The following PRKN variants were observed in gnomAD, a reference collection of about 807,000 sequenced individuals.
The protein encoded by PRKN is E3 ubiquitin-protein ligase parkin.
Under a neutral mutation model 59.5 loss-of-function variants are expected in PRKN, and 56 were observed. That is an observed-to-expected ratio of 0.94 (90% CI 0.76 to 1.18). The LOEUF is 1.18. PRKN is among the 50% of genes most tolerant of loss of function. The probability of loss-of-function intolerance (pLI) is 0.00; values close to 1 mark genes in which losing one functional copy is unlikely to be tolerated. For missense variants in PRKN, 657 were observed against 596.4 expected (o/e 1.10, Z -1.06); for synonymous variants, 250 against 222.1 (o/e 1.13, Z -1.12).
intron 1 of PRKN, among the ~76,000 whole-genome samples, chr6:162,711,743 T>C (rs566341336): frequency 6.6e-6 from 1 of 152,260 alleles, no homozygotes; most frequent in South Asian, 2.1e-4. Context: ...GTGCTCTCTA[T>C]ATGGGGGAAA....
intron 3 of PRKN, among the ~76,000 whole-genome samples, chr6:162,203,342 C>T (rs1784810273): frequency 6.6e-6 from 1 of 152,034 alleles, no homozygotes; most frequent in African/African-American, 2.4e-5. Flanking sequence ...CACTGCTTTC[C>T]AGACCCAGCC....
At chr6:162,717,140 G>A (rs978819992) in intron 1 of PRKN, among the ~76,000 whole-genome samples, 2 of 152,196 alleles carry the variant, frequency 1.3e-5, no homozygotes, top group African/African-American at 4.8e-5. Flanking sequence ...AGAAGGCAAT[G>A]TGACCACAGC....
chr6:162,409,236 C>T (rs1788226843), intron 2 of PRKN, among the ~76,000 whole-genome samples: 1 of 151,782 alleles, frequency 6.6e-6, no homozygotes, highest in Admixed American at 6.6e-5. Flanking sequence ...ACAATCATAA[C>T]TCATGACAGC....
chr6:161,571,189 C>A (rs1290048004), intron 7 of PRKN, among the ~76,000 whole-genome samples: 1 of 152,178 alleles, frequency 6.6e-6, no homozygotes, highest in Admixed American at 6.6e-5. Flanking sequence ...AAGTGACGCT[C>A]CCGCTTCAGC....
At chr6:161,871,148 A>G (rs554054103) in intron 6 of PRKN, among the ~76,000 whole-genome samples, 1 of 152,284 alleles carries the variant, frequency 6.6e-6, no homozygotes, top group Admixed American at 6.5e-5. Flanking sequence ...GATTATTTCT[A>G]GAGTTTTCAG....
At chr6:162,320,436 C>T (rs1357258777) in intron 2 of PRKN, among the ~76,000 whole-genome samples, 30 of 138,080 alleles carry the variant, frequency 2.2e-4, no homozygotes, top group Non-Finnish European at 3.8e-4. Context: ...AAAAAAAACC[C>T]CACAAAATTT....
At chr6:161,874,179 TTA>T (rs1200848411) in intron 6 of PRKN, among the ~76,000 whole-genome samples, 2 of 52,026 alleles carry the variant, frequency 3.8e-5, no homozygotes, top group African/African-American at 2.0e-4. Context: ...ATAATATATA[TTA>T]TATATAATAT....
At position 161,950,998 on chromosome 6, in the gene PRKN, A is replaced by C. The variant is rs944061623; in HGVS notation, c.734+22304T>G. Among the ~76,000 whole-genome samples the C allele has an allele frequency of 1.7e-4, 16 of 95,628 alleles. 3 individuals carry two copies. Among genetic ancestry groups the C allele is most frequent in the African/African-American group, 9.1e-4 (16 of 17,550 alleles). 62.7% of individuals were successfully genotyped at this position (95,628 alleles called of 152,430 possible). ...ACGTGTCTTTTTAGAAAGAAAGAAA[A>C]TCATCAATAAATTATAATTTTTTTT... On this transcript the variant is annotated intron_variant, in intron 6 of 11. Transcript: ENST00000366898.
At position 161,352,771 on chromosome 6, in the gene PRKN, A is replaced by ATATATATATATATTTTTT. The variant is rs34279714; in HGVS notation, c.1286-2561_1286-2560insAAAAAATATATATATATA. ...TGTGTGTGTGTATATATATATATAT[A>ATATATATATATATTTTTT]TTTTATTTTATTTTATTTTATTTTT... is the stretch of plus-strand genomic sequence containing the variant. On this transcript the variant is annotated intron_variant, in intron 11 of 11. Coordinates refer to ENST00000366898, the MANE Select transcript of PRKN (RefSeq NM_004562.3). This position sits in a 1 kb window ranked among gnomAD's most constrained non-coding sequence, Gnocchi z 5.8. 5.1e-5 allele frequency among the ~76,000 whole-genome samples: 6 copies of ATATATATATATATTTTTT among 116,900 alleles called. No individual in the cohort carries two copies. The highest frequency in any genetic ancestry group is 2.0e-4 in the East Asian group (1 of 4,976). 76.7% of individuals were successfully genotyped at this position (116,900 alleles called of 152,430 possible).
intron 9 of PRKN, among the ~76,000 whole-genome samples, chr6:161,472,555 T>C (rs1001719607): frequency 2.0e-5 from 3 of 152,120 alleles, no homozygotes; most frequent in Non-Finnish European, 4.4e-5. Context: ...ATCATAACAT[T>C]CCTAGTAGAA....
At chr6:162,210,871 G>C (rs1785172024) in intron 3 of PRKN, among the ~76,000 whole-genome samples, 1 of 152,082 alleles carries the variant, frequency 6.6e-6, no homozygotes, top group Admixed American at 6.6e-5. Context: ...TTATTGTATG[G>C]TTGTGGAATG....
chr6:161,729,425 A>G (rs1417165616), intron 7 of PRKN, among the ~76,000 whole-genome samples: 2 of 152,174 alleles, frequency 1.3e-5, no homozygotes, highest in Non-Finnish European at 2.9e-5. Flanking sequence ...AGTCAACTCT[A>G]TTTTTAAGTG....
chr6:161,943,281 A>T (rs1226086231), intron 6 of PRKN, among the ~76,000 whole-genome samples: 3 of 152,262 alleles, frequency 2.0e-5, no homozygotes, highest in African/African-American at 7.2e-5. Flanking sequence ...GACAAAAAAA[A>T]TTAACAAACC....
intron 9 of PRKN, among the ~76,000 whole-genome samples, chr6:161,425,940 T>C (rs1380932154): frequency 6.6e-6 from 1 of 152,058 alleles, no homozygotes; most frequent in Non-Finnish European, 1.5e-5. Flanking sequence ...TGTCCTGTCC[T>C]CCTTTTAGAG....
chr6:162,444,934 CGTCTT>C (rs763656616), intron 1 of PRKN, among the ~76,000 whole-genome samples: 6 of 152,236 alleles, frequency 3.9e-5, no homozygotes, highest in African/African-American at 1.4e-4. Flanking sequence ...TTAAAACTAT[CGTCTT>C]GTAACATTTA....
At position 162,556,367 on chromosome 6, in the gene PRKN, G is replaced by GTGTGTGTGCA. The variant is rs1336434932; in HGVS notation, c.8-112895_8-112894insTGCACACACA. On this transcript the variant is annotated intron_variant, in intron 1 of 11. Transcript: ENST00000366898. ...GGTGTGTGTGTGTGTGTGTGTGTGTGTGTGTGTGTGTGTGTGTGTGTGTGT... is the reference window on the plus strand; with the variant it reads ...GGTGTGTGTGTGTGTGTGTGTGTGTGTGTGTGTGCATGTGTGTGTGTGTGTGTGTGTGTGT... Among the ~76,000 whole-genome samples, 147 of 80,722 alleles carry GTGTGTGTGCA rather than the reference G, an allele frequency of 1.8e-3. 1 individual carries two copies. Among genetic ancestry groups the GTGTGTGTGCA allele is most frequent in the Non-Finnish European group, 3.3e-3 (112 of 33,458 alleles). The allele number at this position is 80,722 out of a possible 152,430, so 53.0% of individuals were successfully genotyped here.
At chr6:162,514,456 A>T (rs552963515) in intron 1 of PRKN, among the ~76,000 whole-genome samples, 1 of 152,290 alleles carries the variant, frequency 6.6e-6, no homozygotes, top group African/African-American at 2.4e-5. Context: ...AACCCTCAAC[A>T]CAACTGGCTA....
At chr6:162,356,309 C>T (rs1344989602) in intron 2 of PRKN, among the ~76,000 whole-genome samples, 3 of 151,894 alleles carry the variant, frequency 2.0e-5, no homozygotes, top group Admixed American at 6.6e-5. Flanking sequence ...TAAATTGTGC[C>T]CCTTGCTGCT....
intron 4 of PRKN, among the ~76,000 whole-genome samples, chr6:162,094,847 A>G (rs1341846028): frequency 2.0e-5 from 3 of 152,248 alleles, no homozygotes; most frequent in Admixed American, 2.0e-4. Flanking sequence ...AAATGTATTT[A>G]GACATTTCCT....
Sources: gnomAD v4.1 joint callset for allele counts (sites outside exome capture counted in the v4.1 genomes callset) on GRCh38, gnomAD v4.1.1 for gene constraint, Gnocchi (gnomAD v3.1) non-coding constraint, MANE v1.5 for transcripts, NCBI Gene and HGNC (gene_info 2026-07-23, HGNC 2026-07-21) for gene names.